The following KIF13A variants were observed in gnomAD, a reference collection of about 807,000 sequenced individuals.
The protein encoded by KIF13A is kinesin-like protein KIF13A.
KIF13A carries 79 observed loss-of-function variants against 212.2 expected under a neutral mutation model. The ratio of observed to expected loss-of-function variants is 0.37; its 90% confidence interval spans 0.31 to 0.45. KIF13A has a LOEUF of 0.45. Among genes scored for constraint, KIF13A ranks in the 20% least tolerant of loss-of-function variants. KIF13A has a pLI of 1.00. For synonymous variants in KIF13A, 789 were observed against 808.6 expected (o/e 0.98, Z 0.41); for missense variants, 1,901 against 2,209.0 (o/e 0.86, Z 2.79).
At chr6:17,975,091 C>A (rs1436541594) in intron 2 of KIF13A, among the ~76,000 whole-genome samples, 2 of 152,266 alleles carry the variant, frequency 1.3e-5, no homozygotes, top group East Asian at 3.9e-4. Flanking sequence ...CACCTGTAAT[C>A]CCAGAACTTT....
At chr6:17,902,417 A>G (rs1249475744) in intron 2 of KIF13A, among the ~76,000 whole-genome samples, 1 of 152,226 alleles carries the variant, frequency 6.6e-6, no homozygotes, top group Non-Finnish European at 1.5e-5. Context: ...GGATTTGGAG[A>G]GAAAATAAGG....
intron 13 of KIF13A, among the ~76,000 whole-genome samples, chr6:17,830,099 G>C (rs1314693715): frequency 6.6e-6 from 1 of 152,148 alleles, no homozygotes; most frequent in Non-Finnish European, 1.5e-5. Flanking sequence ...GTCAGTCACA[G>C]TGTCCTAAAT....
chr6:17,765,003 G>C, intron 38 of KIF13A, 57 bp from the exon 39 acceptor site: 1 of 1,327,402 alleles, frequency 7.5e-7, no homozygotes, highest in Non-Finnish European at 1.0e-6. Flanking sequence ...GTACTGTTGA[G>C]ACAAGTTTTA....
chr6:17,774,546 G>T (rs1759768818), intron 35 of KIF13A, among the ~76,000 whole-genome samples: 1 of 152,192 alleles, frequency 6.6e-6, no homozygotes, highest in Admixed American at 6.5e-5. Flanking sequence ...GGCCGAGGCG[G>T]ATCGATCACC....
chr6:17,783,420 G>A lies in KIF13A; in HGVS notation c.3544+226C>T, dbSNP rs1284631125. 2.6e-5 allele frequency among the ~76,000 whole-genome samples: 4 copies of A among 152,196 alleles called. No individual in the cohort carries two copies. The highest frequency in any genetic ancestry group is 4.4e-5 in the Non-Finnish European group (3 of 68,026). On this transcript the variant is annotated intron_variant, in intron 29 of 38. Transcript: ENST00000259711. The surrounding 1 kb of genome is among the most constrained non-coding windows in gnomAD (Gnocchi z 4.3). Reference sequence around the variant, plus strand: ...TAATTTCTATGTCCACTGTTTCAGAGCAACTGTGCTAATGCTCGTGCATGC... The same window carrying A: ...TAATTTCTATGTCCACTGTTTCAGAACAACTGTGCTAATGCTCGTGCATGC...
At chr6:17,946,424 G>A (rs561147084) in intron 2 of KIF13A, among the ~76,000 whole-genome samples, 1 of 150,892 alleles carries the variant, frequency 6.6e-6, no homozygotes, top group South Asian at 2.1e-4. Context: ...GTAACACCAA[G>A]GAATCAATTT....
chr6:17,861,774 T>C (rs1430776447), intron 4 of KIF13A, among the ~76,000 whole-genome samples: 1 of 152,230 alleles, frequency 6.6e-6, no homozygotes, highest in East Asian at 1.9e-4. Flanking sequence ...TCATTACATA[T>C]TGAGGATATT....
chr6:17,834,124 T>C lies in KIF13A; in HGVS notation c.1156-53A>G, dbSNP rs543926374. ...TGTTCAAAATTTTTCCACCATCATA[T>C]ACAAGACAATCAGTTACTGTCCCTC... On this transcript the variant is annotated intron_variant, in intron 11 of 38. Coordinates refer to ENST00000259711, the MANE Select transcript of KIF13A (RefSeq NM_022113.6). This position sits in a 1 kb window ranked among gnomAD's most constrained non-coding sequence, Gnocchi z 4.0. 75 of 1,070,428 alleles carry C rather than the reference T, an allele frequency of 7.0e-5. No homozygotes were observed. The highest frequency in any genetic ancestry group is 5.4e-4 in the South Asian group (37 of 67,936). The allele number at this position is 1,070,428 out of a possible 1,614,324, so 66.3% of individuals were successfully genotyped here.
rs1210690799 is a variant in KIF13A, at chr6:17,967,034, T to A, written c.146+20020A>T. ...ACCAAATATTCCAGCAGTACCTAAC[T>A]TGATTTAGTAGACACTCTATTCCCT... is the stretch of plus-strand genomic sequence containing the variant. On this transcript the variant is annotated intron_variant, in intron 2 of 38. Coordinates refer to ENST00000259711, the MANE Select transcript of KIF13A (RefSeq NM_022113.6). This position sits in a 1 kb window ranked among gnomAD's most constrained non-coding sequence, Gnocchi z 4.1. Among the ~76,000 whole-genome samples the A allele has an allele frequency of 2.0e-5, 3 of 152,204 alleles. No individual in the cohort carries two copies. Among genetic ancestry groups the A allele is most frequent in the Non-Finnish European group, 4.4e-5 (3 of 68,044 alleles).
At chr6:17,908,239 G>A (rs534519540) in intron 2 of KIF13A, among the ~76,000 whole-genome samples, 10 of 152,252 alleles carry the variant, frequency 6.6e-5, no homozygotes, top group Admixed American at 4.6e-4. Context: ...AAGCAGACCT[G>A]ATGGAATGAA....
At chr6:17,770,913 AAAAT>A (rs1179324307) in intron 38 of KIF13A, 197 bp downstream of exon 38, 71 of 528,190 alleles carry the variant, frequency 1.3e-4, no homozygotes, top group East Asian at 2.0e-4. Context: ...ACTTAAGCAA[AAAAT>A]AAATAAATAA....
chr6:17,883,283 C>T lies in KIF13A; in HGVS notation c.160-9846G>A, dbSNP rs761006563. Among the ~76,000 whole-genome samples the T allele has an allele frequency of 3.0e-4, 45 of 152,042 alleles. No individual in the cohort carries two copies. Among genetic ancestry groups the T allele is most frequent in the Non-Finnish European group, 5.7e-4 (39 of 68,004 alleles). On this transcript the variant is annotated intron_variant, in intron 3 of 38. Transcript: ENST00000259711. This position sits in a 1 kb window ranked among gnomAD's most constrained non-coding sequence, Gnocchi z 4.8. ...GACTGCTTGAGCCCAGAAGTTTAAG[C>T]CTGCAGTGAGCTGTGATCATGTCAC... is the stretch of plus-strand genomic sequence containing the variant.
Position 17,816,904 on chromosome 6 carries a change from G to T in KIF13A, c.2000+116C>A. The T allele has an allele frequency of 1.4e-6, 1 of 719,324 alleles. No homozygotes were observed. Among genetic ancestry groups the T allele is most frequent in the African/African-American group, 1.8e-5 (1 of 56,090 alleles). 44.6% of individuals were successfully genotyped at this position (719,324 alleles called of 1,614,324 possible). A position where few individuals can be genotyped will look rare whatever the true frequency, so the allele number is the denominator to read the frequency against. ...AAAGCTAATTGGCAATATCACGTAT[G>T]GGATTAAGAGTTCTCTTGTTGCTAG... On this transcript the variant is annotated intron_variant, in intron 17 of 38. Transcript: ENST00000259711. This position sits in a 1 kb window ranked among gnomAD's most constrained non-coding sequence, Gnocchi z 4.3.
chr6:17,834,535 C>A lies in KIF13A; in HGVS notation c.1156-464G>T, dbSNP rs1765752848. Among the ~76,000 whole-genome samples, 1 of 152,214 alleles carries A rather than the reference C, an allele frequency of 6.6e-6. No homozygotes were observed. Among genetic ancestry groups the A allele is most frequent in the South Asian group, 2.1e-4 (1 of 4,832 alleles). On this transcript the variant is annotated intron_variant, in intron 11 of 38. Transcript: ENST00000259711. The surrounding 1 kb of genome is among the most constrained non-coding windows in gnomAD (Gnocchi z 4.0). ...GAATCTGGGCCTTTAGACTACCTTTCTCCACTGATGGTCATGCATTTTGTT... is the reference window on the plus strand; with the variant it reads ...GAATCTGGGCCTTTAGACTACCTTTATCCACTGATGGTCATGCATTTTGTT...
At chr6:17,800,229 G>T in intron 20 of KIF13A, 116 bp from the exon 21 acceptor site, 3 of 934,348 alleles carry the variant, frequency 3.2e-6, no homozygotes, top group Non-Finnish European at 3.1e-6. Context: ...GCTGCTGCTT[G>T]GTCGTCTTCG....
chr6:17,881,734 G>A (rs148896068), intron 3 of KIF13A: 24 of 332,814 alleles, frequency 7.2e-5, no homozygotes, highest in Non-Finnish European at 1.2e-4. Flanking sequence ...CAGGGCTCAC[G>A]GCTGTAACCC....
At chr6:17,847,691 GAT>G (rs1280511866) in intron 9 of KIF13A, among the ~76,000 whole-genome samples, 11 of 152,206 alleles carry the variant, frequency 7.2e-5, no homozygotes. Flanking sequence ...TGGTTATCCT[GAT>G]TATAAAAAAC....
At position 17,984,007 on chromosome 6, in the gene KIF13A, C is replaced by T. The variant is rs914986498; in HGVS notation, c.146+3047G>A. Among the ~76,000 whole-genome samples the T allele has an allele frequency of 5.9e-5, 9 of 152,156 alleles. No homozygotes were observed. Among genetic ancestry groups the T allele is most frequent in the African/African-American group, 2.2e-4 (9 of 41,430 alleles). On this transcript the variant is annotated intron_variant, in intron 2 of 38. Coordinates refer to ENST00000259711, the MANE Select transcript of KIF13A (RefSeq NM_022113.6). The surrounding 1 kb of genome is among the most constrained non-coding windows in gnomAD (Gnocchi z 5.0). The stretch of plus-strand genomic sequence containing the variant: ...CCTTGGGTAGCATCCACAGCCCCTC[C>T]TCAATGCTCCCATCACATTTGCTAA...
rs749937991 is a variant in KIF13A at position 17,898,139 on chromosome 6, T to C, written c.159+29A>G. On this transcript the variant is annotated intron_variant, in intron 3 of 38. Transcript: ENST00000259711. This position sits in a 1 kb window ranked among gnomAD's most constrained non-coding sequence, Gnocchi z 5.2. ...TGGATTTTTGCACACTAAGCCAGTA[T>C]ACATGCCAAATTTCATATTAGTGCT... 1.3e-5 allele frequency: 21 copies of C among 1,610,704 alleles called. No individual in the cohort carries two copies. In the East Asian group the frequency reaches 3.1e-4, roughly 24 times the overall value.
Sources: gnomAD v4.1 joint callset for allele counts (sites outside exome capture counted in the v4.1 genomes callset) on GRCh38, gnomAD v4.1.1 for gene constraint, Gnocchi (gnomAD v3.1) non-coding constraint, MANE v1.5 for transcripts, NCBI Gene and HGNC (gene_info 2026-07-23, HGNC 2026-07-21) for gene names.